Variants in STAMBP observed in about 807,000 individuals in gnomAD.
STAMBP encodes the protein STAM-binding protein.
A neutral mutation model predicts 50.7 loss-of-function variants in STAMBP; 31 were observed. The observed-to-expected ratio is 0.61, with a 90% confidence interval of 0.46 to 0.83. The LOEUF (loss-of-function observed/expected upper bound fraction) is 0.83, where lower values mean the gene tolerates loss of function less well. Among genes scored for constraint, STAMBP ranks in the 40% least tolerant of loss-of-function variants. STAMBP has a pLI of 0.00. For synonymous variants in STAMBP, 211 were observed against 192.4 expected, an observed-to-expected ratio of 1.10 and a Z score of -0.80; for missense variants, 472 against 518.9, an observed-to-expected ratio of 0.91 and a Z score of 0.88.
rs1196438973 is a variant in STAMBP at position 73,866,059 on chromosome 2, ACTT to A, written c.*3804_*3806del. On this transcript the variant is annotated 3_prime_UTR_variant, in exon 10 of 10. Coordinates refer to ENST00000394070, the MANE Select transcript of STAMBP (RefSeq NM_213622.4). ...ACCTCCCACTTTTGTTGTTCCAACT[ACTT>A]CTTGAGATGAAGGAAGGGCAGAACA... 1 of 152,216 alleles carries A rather than the reference ACTT, an allele frequency of 6.6e-6. No individual in the cohort carries two copies. The highest frequency in any genetic ancestry group is 1.5e-5 in the Non-Finnish European group (1 of 68,060). 9.4% of individuals were successfully genotyped at this position (152,216 alleles called of 1,614,324 possible). A position where few individuals can be genotyped will look rare whatever the true frequency, so the allele number is the denominator to read the frequency against.
At chr2:73,843,406 G>GTATATGTATATATATATATATATATA (rs1553380272) in intron 2 of STAMBP, among the ~76,000 whole-genome samples, 1 of 129,960 alleles carries the variant, frequency 7.7e-6, no homozygotes, top group African/African-American at 3.3e-5. Context: ...GTTTGTGTAT[G>GTATATGTATATATATATATATATATA]TATATATATA....
chr2:73,859,221 C>A lies in STAMBP; in HGVS notation c.1006-33C>A. The A allele has an allele frequency of 1.9e-6, 3 of 1,552,814 alleles. No individual in the cohort carries two copies. In the South Asian group the frequency reaches 3.3e-5, roughly 17 times the overall value. ...AAGGAGGGATTACCATATATCCTCG[C>A]TAAGAGTCCTCTGACTCTTTTTCTC... is the stretch of plus-strand genomic sequence containing the variant. On this transcript the variant is annotated intron_variant, in intron 7 of 9. Coordinates refer to ENST00000394070, the MANE Select transcript of STAMBP (RefSeq NM_213622.4).
In STAMBP at chr2:73,832,108, T is replaced by TATATATATATATATATATATATATAC. The variant is rs1006072205; in HGVS notation, c.203+1050_203+1051insTATATATATATATATATATATATACA. Among the ~76,000 whole-genome samples the TATATATATATATATATATATATATAC allele has an allele frequency of 5.2e-3, 631 of 122,290 alleles. 15 individuals carry two copies. Among genetic ancestry groups the TATATATATATATATATATATATATAC allele is most frequent in the African/African-American group, 0.011 (325 of 28,272 alleles). 80.2% of individuals were successfully genotyped at this position (122,290 alleles called of 152,430 possible). On this transcript the variant is annotated intron_variant, in intron 2 of 9. Coordinates refer to ENST00000394070, the MANE Select transcript of STAMBP (RefSeq NM_213622.4). ...ACATATATATATATATATATATATA[T>TATATATATATATATATATATATATAC]ACACATATATATGGTGCACAATTCA...
intron 7 of STAMBP, among the ~76,000 whole-genome samples, chr2:73,854,357 G>A (rs761238661): frequency 7.2e-5 from 11 of 152,342 alleles, no homozygotes; most frequent in Non-Finnish European, 1.5e-4. Flanking sequence ...AATCATTACT[G>A]TACAGACTTC....
In STAMBP at chr2:73,829,222, C is replaced by T. The variant is rs1213945455; in HGVS notation, c.-301C>T. The T allele has an allele frequency of 1.3e-5, 2 of 152,322 alleles. No homozygotes were observed. The highest frequency in any genetic ancestry group is 1.3e-4 in the Admixed American group (2 of 15,284). 9.4% of individuals were successfully genotyped at this position (152,322 alleles called of 1,614,324 possible). ...ACTGCATTTGAAAGATCCCGAAAAC[C>T]CTGGATGATTGTGCCTGGGGTTGGC... On this transcript the variant is annotated 5_prime_UTR_variant, in exon 1 of 10. Coordinates refer to ENST00000394070, the MANE Select transcript of STAMBP (RefSeq NM_213622.4).
intron 8 of STAMBP, 92 bp from the exon 9 acceptor site, chr2:73,859,960 T>C: frequency 1.2e-6 from 1 of 846,292 alleles, no homozygotes; most frequent in South Asian, 1.5e-5. Flanking sequence ...CCCTGCTGTG[T>C]GAGTGTGCAT....
At chr2:73,832,084 C>CATATATATATATATATATATATAT (rs67469518) in intron 2 of STAMBP, among the ~76,000 whole-genome samples, 28 of 118,486 alleles carry the variant, frequency 2.4e-4, no homozygotes, top group African/African-American at 6.1e-4. Context: ...GAGTAGGTAA[C>CATATATATATATATATATATATAT]ATATATATAT....
rs1227858314 is a variant in STAMBP, at chr2:73,864,088, A to C, written c.*1829A>C. The C allele has an allele frequency of 7.2e-5, 11 of 152,088 alleles. No homozygotes were observed. The highest frequency in any genetic ancestry group is 7.2e-4 in the Admixed American group (11 of 15,258). 9.4% of individuals were successfully genotyped at this position (152,088 alleles called of 1,614,324 possible). A position where few individuals can be genotyped will look rare whatever the true frequency, so the allele number is the denominator to read the frequency against. On this transcript the variant is annotated 3_prime_UTR_variant, in exon 10 of 10. Coordinates refer to ENST00000394070, the MANE Select transcript of STAMBP (RefSeq NM_213622.4). ...TACTGATGCCTGTGTTCTACCCCCC[A>C]CCAATTAAAGCTGAATCTCTAGGGT...
At chr2:73,841,373 A>G (rs1044752690) in intron 2 of STAMBP, among the ~76,000 whole-genome samples, 1 of 152,168 alleles carries the variant, frequency 6.6e-6, no homozygotes, top group Non-Finnish European at 1.5e-5. Flanking sequence ...TTTGTTTATT[A>G]GTTAAAAAAA....
At chr2:73,870,641 G>A (rs1331176853), downstream of STAMBP, among the ~76,000 whole-genome samples, 1 of 152,114 alleles carries the variant, frequency 6.6e-6, no homozygotes, top group Admixed American at 6.5e-5. Context: ...ACATTACCTA[G>A]ACTAAAGGAA....
intron 2 of STAMBP, among the ~76,000 whole-genome samples, chr2:73,840,579 A>C (rs553275403): frequency 1.5e-4 from 23 of 151,904 alleles, no homozygotes; most frequent in Admixed American, 1.3e-3. Context: ...CCCCATCTCT[A>C]CTAAAAATAC....
intron 2 of STAMBP, among the ~76,000 whole-genome samples, chr2:73,832,067 G>A (rs1244402737): frequency 2.8e-5 from 3 of 106,388 alleles, no homozygotes; most frequent in Non-Finnish European, 5.7e-5. Context: ...TTTTACTACT[G>A]ATTTTTGAGT....
At chr2:73,841,998 AT>A (rs1675450561) in intron 2 of STAMBP, among the ~76,000 whole-genome samples, 1 of 152,110 alleles carries the variant, frequency 6.6e-6, no homozygotes, top group South Asian at 2.1e-4. Context: ...TATAAACTAG[AT>A]TTCCATTACA....
Position 73,862,186 on chromosome 2 carries a change from C to A in STAMBP, c.1219-17C>A, listed in dbSNP as rs775858110. The A allele has an allele frequency of 1.9e-6, 3 of 1,587,456 alleles. No homozygotes were observed. The Admixed American group carries it at 5.7e-5, about 30-fold the overall frequency. ...CAGAATTTTCTAGGACTCCACCTTT[C>A]TTTTTTCCTATTGCAGAGCTGCAGC... On this transcript the variant is annotated splice_polypyrimidine_tract_variant and intron_variant, in intron 9 of 9. Coordinates refer to ENST00000394070, the MANE Select transcript of STAMBP (RefSeq NM_213622.4).
At chr2:73,848,619 C>T (rs1676422886) in intron 5 of STAMBP, among the ~76,000 whole-genome samples, 1 of 152,146 alleles carries the variant, frequency 6.6e-6, no homozygotes, top group African/African-American at 2.4e-5. Context: ...AAGTCCAAGA[C>T]CCAGGGGCCT....
chr2:73,845,070 TG>T, intron 3 of STAMBP, 96 bp from the exon 4 acceptor site: 1 of 1,565,914 alleles, frequency 6.4e-7, no homozygotes, highest in South Asian at 1.2e-5. Flanking sequence ...TAAATCATTT[TG>T]GGAAATGTTG....
intron 2 of STAMBP, among the ~76,000 whole-genome samples, chr2:73,835,217 GGTGGCCCA>G (rs1274167379): frequency 3.7e-4 from 56 of 152,086 alleles, no homozygotes; most frequent in Non-Finnish European, 6.0e-4. Context: ...AGCCGGGCGT[GGTGGCCCA>G]CGTCTACAAT....
intron 2 of STAMBP, among the ~76,000 whole-genome samples, chr2:73,832,023 T>C (rs1673986652): frequency 6.6e-6 from 1 of 150,590 alleles, no homozygotes; most frequent in African/African-American, 2.4e-5. Flanking sequence ...GAGATCATAG[T>C]CATGAGCCAC....
intron 7 of STAMBP, among the ~76,000 whole-genome samples, chr2:73,851,273 T>G (rs1026424708): frequency 3.3e-5 from 5 of 152,228 alleles, no homozygotes; most frequent in Admixed American, 6.5e-5. Context: ...CCTATTATTG[T>G]GTATCCCCAT....
Sources: gnomAD v4.1 joint callset for allele counts (sites outside exome capture counted in the v4.1 genomes callset) on GRCh38, gnomAD v4.1.1 for gene constraint, MANE v1.5 for transcripts, NCBI Gene and HGNC (gene_info 2026-07-23, HGNC 2026-07-21) for gene names.